ANKRD30BL: variants seen among roughly 807,000 people sequenced by gnomAD.
ANKRD30BL encodes the protein putative ankyrin repeat domain-containing protein 30B-like.
ANKRD30BL carries 20 observed loss-of-function variants against 18.4 expected under a neutral mutation model. The ratio of observed to expected loss-of-function variants is 1.09; its 90% confidence interval spans 0.77 to 1.58. The LOEUF (loss-of-function observed/expected upper bound fraction) is 1.58. Ranked by LOEUF, ANKRD30BL falls within the 40% of genes most tolerant of loss-of-function variation. The pLI, the probability that ANKRD30BL is intolerant of heterozygous loss-of-function variation, is 0.00. For missense variants in ANKRD30BL, 224 were observed against 268.6 expected, an observed-to-expected ratio of 0.83 and a Z score of 1.16; for synonymous variants, 72 against 100.9, an observed-to-expected ratio of 0.71 and a Z score of 1.72.
At chr2:132,230,178 A>G (rs202061921) in intron 1 of ANKRD30BL, among the ~76,000 whole-genome samples, 1 of 152,084 alleles carries the variant, frequency 6.6e-6, no homozygotes, top group Non-Finnish European at 1.5e-5. Context: ...CTTCTTTGTG[A>G]TGTTTGTCTT....
chr2:132,240,378 CT>C (rs1195680933), intron 1 of ANKRD30BL, among the ~76,000 whole-genome samples: 1 of 151,654 alleles, frequency 6.6e-6, no homozygotes, highest in African/African-American at 2.4e-5. Flanking sequence ...TTGCATTCAA[CT>C]CACAAAGTGG....
chr2:132,197,369 C>T (rs548026004), intron 1 of ANKRD30BL, among the ~76,000 whole-genome samples: 1,973 of 151,996 alleles, frequency 0.013, 50 homozygotes, highest in African/African-American at 0.045. Context: ...TGATCTATTC[C>T]TCTTGCTTAT....
chr2:132,221,455 CGGG>C (rs1679679617), intron 1 of ANKRD30BL, among the ~76,000 whole-genome samples: 1 of 125,476 alleles, frequency 8.0e-6, no homozygotes, highest in African/African-American at 3.5e-5. Flanking sequence ...CCACCCCGTC[CGGG>C]AGGTGAGGGG....
rs1309348310 is a variant in ANKRD30BL, at chr2:132,184,049, C to T, written n.442-26903G>A. Among the ~76,000 whole-genome samples, 5 of 151,980 alleles carry T rather than the reference C, an allele frequency of 3.3e-5. 1 individual carries two copies. The highest frequency in any genetic ancestry group is 6.6e-5 in the Admixed American group (1 of 15,244). On this transcript the variant is annotated intron_variant and non_coding_transcript_variant, in intron 1 of 4. Coordinates refer to the ANKRD30BL transcript ENST00000470729. ...CAGAAAATATGGAAGACTCTGAATG[C>T]TATGAAGCACAGGGGATAAAGGAAT...
Position 132,157,368 on chromosome 2 carries a change from C to A in ANKRD30BL, c.274G>T (p.Val92Leu), listed in dbSNP as rs1425515477. The change falls in exon 2 of 6, where the codon GTA becomes TTA. Residue 92 changes from valine (V) to leucine (L), a missense_variant. By Grantham distance (32) the Val-to-Leu change is conservative. Around this residue, in one of 3 missense-constraint regions of ANKRD30BL, gnomAD observed 131 missense variants for 128.8 expected, o/e 1.02. Coordinates refer to ENST00000409867, the MANE Select transcript of ANKRD30BL (RefSeq NM_001358416.1). ...NGHAEVVTLL[V>L]DRKCQLDVLD... is the part of the protein sequence containing the mutation. ...ACGTCAAGCTGACACTTTCTATCTA[C>A]CAGAAGTGTTACTACTTCTGCATGG... is the stretch of plus-strand genomic sequence containing the variant. 1 of 752,308 alleles carries A rather than the reference C, an allele frequency of 1.3e-6. No homozygotes were observed. The highest frequency in any genetic ancestry group is 2.5e-6 in the Non-Finnish European group (1 of 407,904). The allele number at this position is 752,308 out of a possible 1,614,324, so 46.6% of individuals were successfully genotyped here. A position where few individuals can be genotyped will look rare whatever the true frequency, so the allele number is the denominator to read the frequency against.
chr2:132,237,042 G>A (rs1680168888), intron 1 of ANKRD30BL, among the ~76,000 whole-genome samples: 1 of 151,476 alleles, frequency 6.6e-6, no homozygotes, highest in African/African-American at 2.4e-5. Flanking sequence ...ACCAAACACT[G>A]CATATTCTCA....
At chr2:132,186,382 C>G (rs1233794504) in intron 1 of ANKRD30BL, among the ~76,000 whole-genome samples, 2 of 152,008 alleles carry the variant, frequency 1.3e-5, no homozygotes, top group Non-Finnish European at 2.9e-5. Flanking sequence ...AAAAAAGAGG[C>G]TGGTATTGAA....
At chr2:132,253,200 G>T in intron 1 of ANKRD30BL, 1 of 207,366 alleles carries the variant, frequency 4.8e-6, no homozygotes, top group Non-Finnish European at 1.0e-5. Context: ...GGCCGCAAGT[G>T]CATTCGAAGA....
intron 1 of ANKRD30BL, among the ~76,000 whole-genome samples, chr2:132,245,067 C>T (rs143879662): frequency 6.6e-6 from 1 of 152,236 alleles, no homozygotes; most frequent in Non-Finnish European, 1.5e-5. Flanking sequence ...GATATTAGGG[C>T]AGCATTGAGG....
At chr2:132,175,894 TTGGGGCAAA>T (rs1688360012) in intron 1 of ANKRD30BL, among the ~76,000 whole-genome samples, 1 of 36,298 alleles carries the variant, frequency 2.8e-5, no homozygotes, top group African/African-American at 1.1e-4. Context: ...GGCAAAGAGG[TTGGGGCAAA>T]GTGATTGGGG....
At position 132,227,970 on chromosome 2, in the gene ANKRD30BL, T is replaced by C. The variant is rs540246872; in HGVS notation, n.441+29559A>G. 2.1e-3 allele frequency among the ~76,000 whole-genome samples: 327 copies of C among 152,296 alleles called. 1 individual carries two copies. The highest frequency in any genetic ancestry group is 7.4e-3 in the African/African-American group (309 of 41,594). On this transcript the variant is annotated intron_variant and non_coding_transcript_variant, in intron 1 of 4. Coordinates refer to the ANKRD30BL transcript ENST00000470729. ...ATGTGAGAAACTTCCTTGGGATGTG[T>C]GCATTCATCTCACAGGGTTAACTCT...
chr2:132,199,108 T>C (rs62161719), intron 1 of ANKRD30BL, among the ~76,000 whole-genome samples: 1 of 152,202 alleles, frequency 6.6e-6, no homozygotes, highest in Admixed American at 6.5e-5. Context: ...TCCCAGCACC[T>C]TGGGAGGCCG....
At chr2:132,220,633 C>T (rs1362863112) in intron 1 of ANKRD30BL, among the ~76,000 whole-genome samples, 12 of 152,114 alleles carry the variant, frequency 7.9e-5, no homozygotes, top group African/African-American at 1.7e-4. Context: ...CCCGAGGTGC[C>T]GGGATTGCAG....
chr2:132,231,064 A>C (rs972473675), intron 1 of ANKRD30BL, among the ~76,000 whole-genome samples: 1 of 151,732 alleles, frequency 6.6e-6, no homozygotes, highest in Non-Finnish European at 1.5e-5. Flanking sequence ...TTGAACCTTT[A>C]TTTTGAAAGA....
chr2:132,255,407 A>G (rs1680802262), intron 1 of ANKRD30BL, among the ~76,000 whole-genome samples: 1 of 150,024 alleles, frequency 6.7e-6, no homozygotes, highest in Non-Finnish European at 1.5e-5. Context: ...TTTTCAAAGT[A>G]AGTGCTTCGG....
chr2:132,153,698 A>C, intron 4 of ANKRD30BL: 1 of 1,242,936 alleles, frequency 8.0e-7, no homozygotes, highest in Non-Finnish European at 1.1e-6. Context: ...GGCTGTGCTA[A>C]AATAACAAAG....
At chr2:132,248,987 T>C (rs1680577479) in intron 1 of ANKRD30BL, among the ~76,000 whole-genome samples, 2 of 152,114 alleles carry the variant, frequency 1.3e-5, no homozygotes, top group African/African-American at 4.8e-5. Flanking sequence ...CTCAAACTGC[T>C]CACAAATATC....
At chr2:132,225,506 T>C (rs1226879196) in intron 1 of ANKRD30BL, among the ~76,000 whole-genome samples, 1 of 152,088 alleles carries the variant, frequency 6.6e-6, no homozygotes, top group African/African-American at 2.4e-5. Context: ...ACATAAAAAC[T>C]AGACAGCAGC....
intron 1 of ANKRD30BL, among the ~76,000 whole-genome samples, chr2:132,187,435 C>T (rs1311056394): frequency 6.6e-6 from 1 of 151,878 alleles, no homozygotes; most frequent in African/African-American, 2.4e-5. Context: ...TTGCCTCAGC[C>T]TCCCAAGTAG....
Sources: gnomAD v4.1 joint callset for allele counts (sites outside exome capture counted in the v4.1 genomes callset) on GRCh38, gnomAD v4.1.1 for gene constraint, gnomAD v4.1.1 regional missense constraint, MANE v1.5 for transcripts, NCBI Gene and HGNC (gene_info 2026-07-23, HGNC 2026-07-21) for gene names.